The following DAB1 variants were observed in gnomAD, a reference collection of about 807,000 sequenced individuals.
The protein encoded by DAB1 is DAB adaptor protein 1.
Under a neutral mutation model 64.6 loss-of-function variants are expected in DAB1, and 15 were observed. The ratio of observed to expected loss-of-function variants is 0.23; its 90% CI spans 0.16 to 0.36. DAB1 has a LOEUF of 0.36. DAB1 is among the 10% of genes least tolerant of loss of function. The pLI is 1.00. For missense variants in DAB1, 596 were observed against 706.7 expected (o/e 0.84, Z 1.78); for synonymous variants, 235 against 251.9 (o/e 0.93, Z 0.64).
At chr1:57,527,928 C>T (rs1036063762) in intron 7 of DAB1, among the ~76,000 whole-genome samples, 5 of 151,980 alleles carry the variant, frequency 3.3e-5, no homozygotes, top group Non-Finnish European at 5.9e-5. Flanking sequence ...CTGAGCAAAA[C>T]GTCCCTCATA....
intron 1 of DAB1, among the ~76,000 whole-genome samples, chr1:57,377,259 G>T (rs1680974228): frequency 6.9e-6 from 1 of 144,044 alleles, no homozygotes; most frequent in African/African-American, 2.6e-5. Context: ...GACAGAGTGA[G>T]ACTCCATCTT....
intron 5 of DAB1, among the ~76,000 whole-genome samples, chr1:57,917,959 A>G (rs1477991680): frequency 6.6e-6 from 1 of 151,766 alleles, no homozygotes; most frequent in Admixed American, 6.6e-5. Context: ...TCCCAGCTAC[A>G]TGGGAGGCTG....
At chr1:58,062,331 G>A (rs1401764687) in intron 5 of DAB1, among the ~76,000 whole-genome samples, 2 of 152,288 alleles carry the variant, frequency 1.3e-5, no homozygotes, top group East Asian at 3.9e-4. Flanking sequence ...AGTAAGACAA[G>A]AATTATAGTG....
chr1:58,457,640 A>T (rs1043259910), intron 3 of DAB1, among the ~76,000 whole-genome samples: 1 of 152,216 alleles, frequency 6.6e-6, no homozygotes, highest in Non-Finnish European at 1.5e-5. Flanking sequence ...CCTCCCTGTC[A>T]TGGAGTCTCA....
chr1:58,421,367 C>G (rs1280030093), intron 3 of DAB1, among the ~76,000 whole-genome samples: 2 of 152,122 alleles, frequency 1.3e-5, no homozygotes, highest in Non-Finnish European at 2.9e-5. Flanking sequence ...AAGTAATTAG[C>G]ATTCTGTCCA....
At chr1:57,461,868 G>A (rs1686791022) in intron 7 of DAB1, among the ~76,000 whole-genome samples, 1 of 149,592 alleles carries the variant, frequency 6.7e-6, no homozygotes, top group African/African-American at 2.4e-5. Flanking sequence ...GTGAATGAAT[G>A]AAACCATGGA....
chr1:57,855,338 C>T (rs1487124933), intron 1 of DAB1, among the ~76,000 whole-genome samples: 1 of 152,134 alleles, frequency 6.6e-6, no homozygotes, highest in Admixed American at 6.5e-5. Flanking sequence ...GCCATATCCC[C>T]CTGAGGACAT....
At chr1:57,464,196 G>A (rs1686881735) in intron 7 of DAB1, among the ~76,000 whole-genome samples, 2 of 152,140 alleles carry the variant, frequency 1.3e-5, no homozygotes, top group African/African-American at 4.8e-5. Flanking sequence ...TTTTAGAGAT[G>A]AGAAAATCAA....
upstream of DAB1, among the ~76,000 whole-genome samples, chr1:57,424,438 G>T (rs1309611833): frequency 1.3e-5 from 2 of 152,058 alleles, no homozygotes; most frequent in Non-Finnish European, 2.9e-5. Context: ...GGAGAGACGA[G>T]CCGAGAGCGA....
Position 57,004,601 on chromosome 1 carries a change from C to G in DAB1, c.*15+6079G>C, listed in dbSNP as rs1013485245. On this transcript the variant is annotated intron_variant, in intron 14 of 14. Transcript: ENST00000371236. The stretch of plus-strand genomic sequence containing the variant: ...CAAAGCTTGAGTCCCTCAGCATTAC[C>G]CTGCCCAGGCAGCAACTTCAGCCTC... Among the ~76,000 whole-genome samples, 5 of 152,326 alleles carry G rather than the reference C, an allele frequency of 3.3e-5. No individual in the cohort carries two copies. The South Asian group carries it at 1.0e-3, about 32-fold the overall frequency.
intron 3 of DAB1, among the ~76,000 whole-genome samples, chr1:58,354,571 C>T (rs1644091243): frequency 6.6e-6 from 1 of 152,068 alleles, no homozygotes; most frequent in Non-Finnish European, 1.5e-5. Context: ...TTGGTCTTTT[C>T]TTAAAGGTCT....
At chr1:57,956,892 T>C (rs1645405669) in intron 5 of DAB1, among the ~76,000 whole-genome samples, 1 of 152,204 alleles carries the variant, frequency 6.6e-6, no homozygotes, top group African/African-American at 2.4e-5. Flanking sequence ...GGAGAAGAGT[T>C]AGCTTATTCA....
chr1:57,207,216 G>A (rs191368388), intron 2 of DAB1, among the ~76,000 whole-genome samples: 3 of 151,350 alleles, frequency 2.0e-5, no homozygotes, highest in East Asian at 2.0e-4. Context: ...TGATCCACCC[G>A]CCTCAGCCTC....
intron 5 of DAB1, among the ~76,000 whole-genome samples, chr1:58,088,848 G>A (rs1262569846): frequency 6.6e-6 from 1 of 152,158 alleles, no homozygotes; most frequent in Non-Finnish European, 1.5e-5. Context: ...AACACCATGA[G>A]AAAAGTCAGG....
chr1:57,871,156 A>G (rs1424239213), intron 1 of DAB1, among the ~76,000 whole-genome samples: 1 of 152,156 alleles, frequency 6.6e-6, no homozygotes, highest in Non-Finnish European at 1.5e-5. Context: ...AAGGGATTGG[A>G]AAGATAGGGG....
intron 3 of DAB1, among the ~76,000 whole-genome samples, chr1:58,440,778 G>T (rs556823169): frequency 6.6e-6 from 1 of 152,198 alleles, no homozygotes; most frequent in Admixed American, 6.5e-5. Context: ...ATAGCTGAGA[G>T]AGCTGAGGCA....
chr1:57,864,832 C>A (rs529678059), intron 1 of DAB1: 1 of 152,150 alleles, frequency 6.6e-6, no homozygotes, highest in South Asian at 2.1e-4. Context: ...CAGGTGTGAA[C>A]CACTCTACCC....
chr1:58,078,927 T>C (rs1236623281), intron 5 of DAB1, among the ~76,000 whole-genome samples: 2 of 152,224 alleles, frequency 1.3e-5, no homozygotes, highest in East Asian at 3.8e-4. Context: ...TGACTTTACA[T>C]AGCACCATAG....
intron 14 of DAB1, among the ~76,000 whole-genome samples, chr1:57,000,413 A>G (rs922987627): frequency 2.0e-5 from 3 of 152,096 alleles, no homozygotes; most frequent in African/African-American, 7.2e-5. Flanking sequence ...GAATTACTGA[A>G]TGATTATAAT....
Sources: gnomAD v4.1 joint callset for allele counts (sites outside exome capture counted in the v4.1 genomes callset) on GRCh38, gnomAD v4.1.1 for gene constraint, MANE v1.5 for transcripts, NCBI Gene and HGNC (gene_info 2026-07-23, HGNC 2026-07-21) for gene names.